The following VPS9D1 variants were observed in gnomAD, a reference collection of about 807,000 sequenced individuals.
VPS9D1 encodes the protein VPS9 domain-containing protein 1.
In VPS9D1, 78 loss-of-function variants were observed where a neutral mutation model predicts 75.8. The ratio of observed to expected loss-of-function variants is 1.03; its 90% CI spans 0.86 to 1.24. The LOEUF is 1.24. Ranked by LOEUF, VPS9D1 falls within the 50% of genes most tolerant of loss-of-function variation. The probability of loss-of-function intolerance (pLI) is 0.00; values close to 1 mark genes in which losing one functional copy is unlikely to be tolerated. For missense variants in VPS9D1, 1,057 were observed against 847.7 expected (o/e 1.25, Z -3.07); for synonymous variants, 481 against 385.6 (o/e 1.25, Z -2.90).
chr16:89,718,484 C>A (rs1477690226), intron 2 of VPS9D1, among the ~76,000 whole-genome samples: 2 of 152,206 alleles, frequency 1.3e-5, no homozygotes, highest in African/African-American at 4.8e-5. Context: ...GTGCCGCTCA[C>A]TGGAGCCAGT....
intron 1 of VPS9D1, chr16:89,719,464 C>T (rs2061182860): frequency 2.4e-6 from 1 of 425,066 alleles, no homozygotes; most frequent in Admixed American, 2.7e-5. Context: ...TGTCATTTTT[C>T]ATTCTATGCA....
intron 1 of VPS9D1, 22 bp downstream of exon 1, chr16:89,720,741 C>T: frequency 2.8e-6 from 4 of 1,431,030 alleles, no homozygotes; most frequent in Non-Finnish European, 1.8e-6. Flanking sequence ...AGCGGCCAAG[C>T]CCCGCCCCCG....
At position 89,720,826 on chromosome 16, in the gene VPS9D1, C is replaced by A. The variant is rs1263675925; in HGVS notation, c.36G>T (p.Pro12=). The change falls in exon 1 of 15, where the codon CCG becomes CCT. Residue 12 remains proline (P), a synonymous_variant. Coordinates refer to ENST00000389386, the MANE Select transcript of VPS9D1 (RefSeq NM_004913.3). ...TGGCAAGCTTCATGGCGCTCTGCAGCGGCTTCACCGTGCCGTCCCCGGCCG... is the reference window on the plus strand; with the variant it reads ...TGGCAAGCTTCATGGCGCTCTGCAGAGGCTTCACCGTGCCGTCCCCGGCCG... ...AAAAGDGTVK[P]LQSAMKLANG... is the part of the protein sequence containing the mutation. The A allele has an allele frequency of 5.6e-5, 81 of 1,446,040 alleles. No individual in the cohort carries two copies. The highest frequency in any genetic ancestry group is 7.2e-5 in the Non-Finnish European group (79 of 1,094,936). The allele number at this position is 1,446,040 out of a possible 1,614,324, so 89.6% of individuals were successfully genotyped here.
chr16:89,713,139 C>T (rs1168048008), intron 4 of VPS9D1: 1 of 153,816 alleles, frequency 6.5e-6, no homozygotes, highest in Non-Finnish European at 1.4e-5. Flanking sequence ...CTGGCCACTG[C>T]ACTCCAGCTG....
At chr16:89,717,679 G>A (rs1001936739) in intron 2 of VPS9D1, 25 of 455,876 alleles carry the variant, frequency 5.5e-5, no homozygotes, top group African/African-American at 2.0e-4. Context: ...TGCCAGACAC[G>A]GTGGGCCACT....
At chr16:89,712,342 T>G in intron 6 of VPS9D1, 118 bp downstream of exon 6, 1 of 1,471,816 alleles carries the variant, frequency 6.8e-7, no homozygotes, top group Non-Finnish European at 9.2e-7. Flanking sequence ...GGGGAGCCCC[T>G]CGGCCCTGTA....
intron 4 of VPS9D1, among the ~76,000 whole-genome samples, chr16:89,716,236 G>T (rs1023846096): frequency 6.6e-6 from 1 of 152,056 alleles, no homozygotes; most frequent in African/African-American, 2.4e-5. Context: ...TGTGGTGGTG[G>T]GCGCCTGTAG....
chr16:89,707,545 C>T lies in VPS9D1; in HGVS notation c.*316G>A, dbSNP rs1231217920. ...CCCAGCCAGATGTTCATCGCTGAGCCTGCACCCACCGAAGCCCAAAGCTTC... is the reference window on the plus strand; with the variant it reads ...CCCAGCCAGATGTTCATCGCTGAGCTTGCACCCACCGAAGCCCAAAGCTTC... On this transcript the variant is annotated 3_prime_UTR_variant, in exon 15 of 15. Transcript: ENST00000389386. 9.6e-6 allele frequency: 3 copies of T among 311,362 alleles called. No homozygotes were observed. The highest frequency in any genetic ancestry group is 1.8e-5 in the Non-Finnish European group (3 of 164,500). 19.3% of individuals were successfully genotyped at this position (311,362 alleles called of 1,614,324 possible). A position where few individuals can be genotyped will look rare whatever the true frequency, so the allele number is the denominator to read the frequency against.
In VPS9D1 at chr16:89,708,960, C is replaced by G. The variant is rs777689452; in HGVS notation, c.1598-4G>C. On this transcript the variant is annotated splice_region_variant and splice_polypyrimidine_tract_variant and intron_variant, in intron 12 of 14. Coordinates refer to ENST00000389386, the MANE Select transcript of VPS9D1 (RefSeq NM_004913.3). ...CAGATGATCCGCAGGGTCCGCACTG[C>G]GCCCCAGACAGGGTTTCAGGGGCAG... The G allele has an allele frequency of 6.3e-7, 1 of 1,594,620 alleles. No individual in the cohort carries two copies. The highest frequency in any genetic ancestry group is 1.7e-5 in the Admixed American group (1 of 57,820).
In VPS9D1 at chr16:89,719,220, A is replaced by G. The variant is rs200959734; in HGVS notation, c.100-118T>C. 9.0e-4 allele frequency: 855 copies of G among 949,048 alleles called. 2 individuals are homozygous for G. Among genetic ancestry groups the G allele is most frequent in the Non-Finnish European group, 1.3e-3 (779 of 590,012 alleles). The allele number at this position is 949,048 out of a possible 1,614,324, so 58.8% of individuals were successfully genotyped here. ...ACACCACCACCTGCTTATCTCTGAGATACACCCAGAGACATTGAGCCTGCG... is the reference window on the plus strand; with the variant it reads ...ACACCACCACCTGCTTATCTCTGAGGTACACCCAGAGACATTGAGCCTGCG... On this transcript the variant is annotated intron_variant, in intron 1 of 14. Coordinates refer to ENST00000389386, the MANE Select transcript of VPS9D1 (RefSeq NM_004913.3).
In VPS9D1 at chr16:89,719,009, C is replaced by T. The variant is rs763311274; in HGVS notation, c.175+18G>A. On this transcript the variant is annotated intron_variant, in intron 2 of 14. Transcript: ENST00000389386. The stretch of plus-strand genomic sequence containing the variant: ...GATTACAGGCGTGAGCCACCGCGCC[C>T]GGCTGGCTGAGCCGTACCTTTAGTG... 43 of 1,608,838 alleles carry T rather than the reference C, an allele frequency of 2.7e-5. No individual in the cohort carries two copies. The highest frequency in any genetic ancestry group is 9.9e-5 in the South Asian group (9 of 91,008).
intron 10 of VPS9D1, 78 bp downstream of exon 10, chr16:89,710,508 C>T: frequency 1.4e-6 from 2 of 1,468,552 alleles, no homozygotes; most frequent in African/African-American, 2.8e-5. Flanking sequence ...AGACCCTTCC[C>T]CAAACAGAAG....
chr16:89,709,691 C>T (rs1344860135), intron 11 of VPS9D1, 86 bp downstream of exon 11: 6 of 1,591,034 alleles, frequency 3.8e-6, no homozygotes, highest in Middle Eastern at 1.9e-4. Context: ...GGGGAGCAGA[C>T]AGTGCCAGGG....
At chr16:89,709,164 A>G in intron 12 of VPS9D1, 63 bp downstream of exon 12, 2 of 1,601,352 alleles carry the variant, frequency 1.2e-6, no homozygotes, top group South Asian at 1.1e-5. Context: ...GTGAAGACAC[A>G]GGCTCCAGGT....
intron 4 of VPS9D1, among the ~76,000 whole-genome samples, chr16:89,714,528 C>T (rs1018846697): frequency 1.4e-4 from 22 of 152,216 alleles, no homozygotes; most frequent in South Asian, 6.2e-4. Context: ...CAGAGCCTGA[C>T]GCCTGGCCAC....
At position 89,719,020 on chromosome 16, in the gene VPS9D1, G is replaced by C. The variant is rs753164156; in HGVS notation, c.175+7C>G. 3 of 1,611,784 alleles carry C rather than the reference G, an allele frequency of 1.9e-6. No individual in the cohort carries two copies. The African/African-American group carries it at 4.0e-5, about 22-fold the overall frequency. ...TGAGCCACCGCGCCCGGCTGGCTGA[G>C]CCGTACCTTTAGTGGTTTCCACTTC... is the stretch of plus-strand genomic sequence containing the variant. On this transcript the variant is annotated splice_region_variant and intron_variant, in intron 2 of 14. Transcript: ENST00000389386.
intron 14 of VPS9D1, 91 bp from the exon 15 acceptor site, chr16:89,708,045 A>G: frequency 1.5e-6 from 2 of 1,311,408 alleles, no homozygotes; most frequent in Non-Finnish European, 2.2e-6. Context: ...CTCCCAGTTC[A>G]GGACCTGGGT....
At chr16:89,718,298 C>G (rs1438034678) in intron 2 of VPS9D1, 1 of 352,252 alleles carries the variant, frequency 2.8e-6, no homozygotes. Flanking sequence ...ATCCTCAGTC[C>G]TCACCTGAGG....
chr16:89,715,600 C>T (rs2061045604), intron 4 of VPS9D1, among the ~76,000 whole-genome samples: 1 of 151,148 alleles, frequency 6.6e-6, no homozygotes. Flanking sequence ...CGGCTCACTG[C>T]ACCCTCAACC....
Sources: allele counts gnomAD v4.1 joint callset (sites outside exome capture counted in the v4.1 genomes callset), GRCh38; gene constraint gnomAD v4.1.1; transcripts MANE v1.5; gene names NCBI Gene and HGNC (gene_info 2026-07-23, HGNC 2026-07-21).